PDE10A: variants seen among roughly 807,000 people sequenced by gnomAD.
PDE10A encodes the protein cAMP and cAMP-inhibited cGMP 3',5'-cyclic phosphodiesterase 10A.
PDE10A carries 39 observed loss-of-function variants against 97.7 expected under a neutral mutation model. The observed-to-expected ratio is 0.40, with a 90% CI of 0.31 to 0.52. The LOEUF (loss-of-function observed/expected upper bound fraction) is 0.52. Ranked by LOEUF, PDE10A falls within the 20% of genes least tolerant of loss-of-function variation. The probability of loss-of-function intolerance (pLI) is 0.56; values close to 1 mark genes in which losing one functional copy is unlikely to be tolerated. For missense variants in PDE10A, 731 were observed against 1,047.8 expected (o/e 0.70, Z 4.17); for synonymous variants, 371 against 376.8 (o/e 0.98, Z 0.18).
intron 5 of PDE10A, among the ~76,000 whole-genome samples, chr6:165,436,309 A>C (rs1790011504): frequency 6.6e-6 from 1 of 152,332 alleles, no homozygotes; most frequent in East Asian, 1.9e-4. Context: ...TTACTAAGGT[A>C]GTTCTAAGGA....
intron 1 of PDE10A, among the ~76,000 whole-genome samples, chr6:165,563,788 G>C (rs9356370): frequency 0.057 from 8,620 of 152,008 alleles, 529 homozygotes; most frequent in East Asian, 0.32. Context: ...CTACTTGGGA[G>C]GCTGGGACAC....
intron 1 of PDE10A, among the ~76,000 whole-genome samples, chr6:165,985,785 G>A (rs1785177155): frequency 6.6e-6 from 1 of 152,166 alleles, no homozygotes; most frequent in East Asian, 1.9e-4. Context: ...GCAGGCATGA[G>A]GGAAAACAGT....
At chr6:165,419,075 T>A (rs768401960) in intron 10 of PDE10A, among the ~76,000 whole-genome samples, 5 of 152,052 alleles carry the variant, frequency 3.3e-5, no homozygotes. Flanking sequence ...ACACTTCTGT[T>A]TTAGTTGGTA....
chr6:165,862,060 G>A (rs1312300342), intron 1 of PDE10A, among the ~76,000 whole-genome samples: 1 of 152,188 alleles, frequency 6.6e-6, no homozygotes, highest in African/African-American at 2.4e-5. Flanking sequence ...CTGTGGTGGG[G>A]CCAGGACGCC....
intron 18 of PDE10A, among the ~76,000 whole-genome samples, chr6:165,358,801 A>C (rs1783200004): frequency 6.6e-6 from 1 of 151,802 alleles, no homozygotes; most frequent in Non-Finnish European, 1.5e-5. Context: ...TTTACTATTC[A>C]ATATTTTTGT....
At chr6:165,478,510 C>T (rs1220709872) in intron 3 of PDE10A, among the ~76,000 whole-genome samples, 1 of 152,142 alleles carries the variant, frequency 6.6e-6, no homozygotes, top group Non-Finnish European at 1.5e-5. Flanking sequence ...ATGAAACAGA[C>T]TTTTTGTAGC....
chr6:165,841,592 C>T (rs1304576895), intron 1 of PDE10A, among the ~76,000 whole-genome samples: 1 of 152,230 alleles, frequency 6.6e-6, no homozygotes, highest in Non-Finnish European at 1.5e-5. Context: ...GCTGTGTCTC[C>T]CATCCCGGGG....
At chr6:165,431,326 A>C (rs1343223278) in intron 8 of PDE10A, 96 bp downstream of exon 8, 6 of 650,680 alleles carry the variant, frequency 9.2e-6, no homozygotes, top group Non-Finnish European at 1.6e-5. Context: ...AAAATAAGGC[A>C]TTGGGTGACT....
chr6:165,401,685 G>A (rs892913750), intron 13 of PDE10A, among the ~76,000 whole-genome samples: 1 of 152,106 alleles, frequency 6.6e-6, no homozygotes, highest in African/African-American at 2.4e-5. Flanking sequence ...AGCATAGGCT[G>A]GACACTGCTG....
At position 165,330,037 on chromosome 6, in the gene PDE10A, G is replaced by A. The variant is rs907336039; in HGVS notation, c.*2988C>T. On this transcript the variant is annotated 3_prime_UTR_variant, in exon 22 of 22. Transcript: ENST00000539869. ...CCGAATTCAATATTCCATGTTATTGGCAGGCATTTATGTTTCCAAGGACAT... is the reference window on the plus strand; with the variant it reads ...CCGAATTCAATATTCCATGTTATTGACAGGCATTTATGTTTCCAAGGACAT... The A allele has an allele frequency of 1.3e-5, 2 of 152,032 alleles. No individual in the cohort carries two copies. The highest frequency in any genetic ancestry group is 4.8e-5 in the African/African-American group (2 of 41,384). The allele number at this position is 152,032 out of a possible 1,614,324, so 9.4% of individuals were successfully genotyped here. A position where few individuals can be genotyped will look rare whatever the true frequency, so the allele number is the denominator to read the frequency against.
chr6:165,929,328 C>A (rs1041381875), intron 1 of PDE10A, among the ~76,000 whole-genome samples: 4 of 152,144 alleles, frequency 2.6e-5, no homozygotes, highest in Non-Finnish European at 4.4e-5. Context: ...TGGGGTTGTG[C>A]TTTTTCTCTC....
intron 1 of PDE10A, among the ~76,000 whole-genome samples, chr6:165,882,769 A>T (rs1781519427): frequency 6.6e-6 from 1 of 151,806 alleles, no homozygotes; most frequent in Non-Finnish European, 1.5e-5. Flanking sequence ...CAGAAAAAAA[A>T]AAAAAAAGCC....
At chr6:165,632,786 T>C (rs1255966469) in intron 1 of PDE10A, among the ~76,000 whole-genome samples, 2 of 152,154 alleles carry the variant, frequency 1.3e-5, no homozygotes, top group Non-Finnish European at 2.9e-5. Context: ...TGAGTGTTCC[T>C]TTGGGCACAT....
intron 1 of PDE10A, among the ~76,000 whole-genome samples, chr6:165,590,475 C>G (rs143325814): frequency 7.7e-4 from 117 of 152,290 alleles, no homozygotes; most frequent in African/African-American, 2.6e-3. Flanking sequence ...AGAGTATGTA[C>G]TTTTCATTTT....
intron 1 of PDE10A, among the ~76,000 whole-genome samples, chr6:165,617,123 G>A (rs1166213609): frequency 1.3e-5 from 2 of 152,140 alleles, no homozygotes; most frequent in Non-Finnish European, 2.9e-5. Flanking sequence ...ATCCTTAAAT[G>A]GAAATGCCAG....
chr6:165,452,034 A>G (rs1482284726), intron 3 of PDE10A, among the ~76,000 whole-genome samples: 2 of 152,206 alleles, frequency 1.3e-5, no homozygotes, highest in African/African-American at 4.8e-5. Context: ...ATGATGGGAG[A>G]CTAGTTTCGC....
At chr6:165,771,201 C>G (rs554119626) in intron 1 of PDE10A, among the ~76,000 whole-genome samples, 1 of 152,304 alleles carries the variant, frequency 6.6e-6, no homozygotes, top group African/African-American at 2.4e-5. Context: ...CTACCGTGGG[C>G]GCTATGGAAT....
intron 1 of PDE10A, among the ~76,000 whole-genome samples, chr6:165,970,093 C>G (rs184126516): frequency 6.6e-6 from 1 of 152,166 alleles, no homozygotes; most frequent in Admixed American, 6.5e-5. Context: ...GGCATCACTT[C>G]GATCTAACCA....
intron 3 of PDE10A, among the ~76,000 whole-genome samples, chr6:165,456,962 G>A (rs1777989372): frequency 1.3e-5 from 2 of 152,104 alleles, no homozygotes. Context: ...AAAATTACAT[G>A]CAAATGTACT....
Sources: allele counts gnomAD v4.1 joint callset (sites outside exome capture counted in the v4.1 genomes callset), GRCh38; gene constraint gnomAD v4.1.1; transcripts MANE v1.5; gene names NCBI Gene and HGNC (gene_info 2026-07-23, HGNC 2026-07-21).